The following TMEM108 variants were observed in gnomAD, a reference collection of about 807,000 sequenced individuals.
The protein encoded by TMEM108 is transmembrane protein 108.
Under a neutral mutation model 35.1 loss-of-function variants are expected in TMEM108, and 12 were observed. The observed-to-expected ratio is 0.34, with a 90% CI of 0.22 to 0.55. TMEM108 has a LOEUF of 0.55. Ranked by LOEUF, TMEM108 falls within the 20% of genes least tolerant of loss-of-function variation. TMEM108 has a pLI of 0.89. For missense variants in TMEM108, 680 were observed against 753.3 expected, an observed-to-expected ratio of 0.90 and a Z score of 1.14; for synonymous variants, 287 against 308.6, an observed-to-expected ratio of 0.93 and a Z score of 0.73.
intron 4 of TMEM108, among the ~76,000 whole-genome samples, chr3:133,381,857 C>T (rs2073021733): frequency 6.6e-6 from 1 of 152,160 alleles, no homozygotes; most frequent in South Asian, 2.1e-4. Context: ...AGCAACTCTC[C>T]ACCCCCACCC....
intron 3 of TMEM108, among the ~76,000 whole-genome samples, chr3:133,278,339 T>C (rs1461383565): frequency 6.6e-6 from 1 of 152,232 alleles, no homozygotes. Flanking sequence ...TATTGCTTTA[T>C]TTGTAAAATG....
chr3:133,370,725 C>CTTTT (rs1202487966), intron 3 of TMEM108, among the ~76,000 whole-genome samples: 1 of 152,148 alleles, frequency 6.6e-6, no homozygotes, highest in African/African-American at 2.4e-5. Context: ...TGAGAGAACA[C>CTTTT]TTTTCGTATG....
chr3:133,276,992 G>T (rs961846497), intron 3 of TMEM108, among the ~76,000 whole-genome samples: 1 of 152,150 alleles, frequency 6.6e-6, no homozygotes, highest in African/African-American at 2.4e-5. Context: ...TCAAACTTTA[G>T]TGCCACCCTT....
intron 2 of TMEM108, among the ~76,000 whole-genome samples, chr3:133,061,954 T>C (rs1943542024): frequency 6.6e-6 from 1 of 152,186 alleles, no homozygotes. Flanking sequence ...AACTGAGTGT[T>C]GCTACCAGTT....
At chr3:133,100,018 T>C (rs1264163207) in intron 2 of TMEM108, among the ~76,000 whole-genome samples, 1 of 152,158 alleles carries the variant, frequency 6.6e-6, no homozygotes, top group African/African-American at 2.4e-5. Flanking sequence ...ACGCTGCTGA[T>C]AAAGACATAC....
intron 3 of TMEM108, among the ~76,000 whole-genome samples, chr3:133,356,266 G>T (rs2072165780): frequency 6.6e-6 from 1 of 151,884 alleles, no homozygotes; most frequent in African/African-American, 2.4e-5. Flanking sequence ...ACTTAACCAA[G>T]GAGGTGAAAG....
chr3:133,383,094 T>G (rs1237034236), intron 4 of TMEM108, among the ~76,000 whole-genome samples: 3 of 152,262 alleles, frequency 2.0e-5, no homozygotes, highest in Non-Finnish European at 4.4e-5. Context: ...GTAGCCCTAT[T>G]AGCCAATGAA....
At chr3:133,062,053 C>T (rs1471055735) in intron 2 of TMEM108, among the ~76,000 whole-genome samples, 2 of 152,144 alleles carry the variant, frequency 1.3e-5, no homozygotes, top group Non-Finnish European at 2.9e-5. Flanking sequence ...AATCTGATAG[C>T]ATGGATGGTG....
intron 3 of TMEM108, among the ~76,000 whole-genome samples, chr3:133,258,485 G>T (rs77666224): frequency 2.1e-4 from 32 of 152,278 alleles, no homozygotes; most frequent in Admixed American, 1.6e-3. Context: ...TGGATGGAGG[G>T]GGGTGATGGA....
intron 2 of TMEM108, among the ~76,000 whole-genome samples, chr3:133,108,918 A>G (rs948182463): frequency 2.0e-5 from 3 of 152,012 alleles, no homozygotes; most frequent in Admixed American, 1.3e-4. Flanking sequence ...GCACACCAAC[A>G]TGGCACATGT....
chr3:133,069,904 T>G (rs1943656187), intron 2 of TMEM108, among the ~76,000 whole-genome samples: 1 of 152,230 alleles, frequency 6.6e-6, no homozygotes. Context: ...TCTTTGAATG[T>G]GTTCATTTAA....
Position 133,310,530 on chromosome 3 carries a change from C to CTTTTTT in TMEM108, c.41-69198_41-69193dup, listed in dbSNP as rs59215786. Among the ~76,000 whole-genome samples, 211 of 22,252 alleles carry CTTTTTT rather than the reference C, an allele frequency of 9.5e-3. 48 individuals are homozygous for CTTTTTT. The highest frequency in any genetic ancestry group is 0.018 in the East Asian group (7 of 398). 14.6% of individuals were successfully genotyped at this position (22,252 alleles called of 152,430 possible). ...TCAGAGACTAGGATTGCAACCCCTG[C>CTTTTTT]TTTTTTTTTTTTTTTTTTTTTTTTT... is the stretch of plus-strand genomic sequence containing the variant. On this transcript the variant is annotated intron_variant, in intron 3 of 5. Transcript: ENST00000321871.
At chr3:133,281,954 G>A (rs1013399668) in intron 3 of TMEM108, among the ~76,000 whole-genome samples, 10 of 152,120 alleles carry the variant, frequency 6.6e-5, no homozygotes, top group South Asian at 2.1e-4. Flanking sequence ...TCAGGAGATC[G>A]AGACCATCCT....
intron 2 of TMEM108, among the ~76,000 whole-genome samples, chr3:133,227,045 C>T (rs574065709): frequency 2.6e-5 from 4 of 152,104 alleles, no homozygotes; most frequent in African/African-American, 9.6e-5. Flanking sequence ...AAAGACCCAC[C>T]CCCGTGATTC....
At chr3:133,275,290 T>C (rs78055018) in intron 3 of TMEM108, among the ~76,000 whole-genome samples, 2 of 152,216 alleles carry the variant, frequency 1.3e-5, no homozygotes, top group Non-Finnish European at 2.9e-5. Flanking sequence ...ATTCTTAATT[T>C]TCTGAATTTT....
At chr3:133,238,279 C>T (rs1946267289) in intron 3 of TMEM108, among the ~76,000 whole-genome samples, 1 of 144,078 alleles carries the variant, frequency 6.9e-6, no homozygotes, top group Non-Finnish European at 1.6e-5. Flanking sequence ...TCTATTTCAT[C>T]ATCCATTCCT....
chr3:133,157,763 C>T (rs1182938742), intron 2 of TMEM108, among the ~76,000 whole-genome samples: 2 of 152,190 alleles, frequency 1.3e-5, no homozygotes, highest in Non-Finnish European at 2.9e-5. Flanking sequence ...GTAATAGTCA[C>T]TCTGATGATC....
At chr3:133,264,572 C>G (rs779725822) in intron 3 of TMEM108, among the ~76,000 whole-genome samples, 1 of 152,120 alleles carries the variant, frequency 6.6e-6, no homozygotes, top group African/African-American at 2.4e-5. Flanking sequence ...TGCAAGTTGT[C>G]ATTATATTGT....
At chr3:133,239,747 G>A (rs566760818) in intron 3 of TMEM108, among the ~76,000 whole-genome samples, 1 of 152,178 alleles carries the variant, frequency 6.6e-6, no homozygotes, top group Non-Finnish European at 1.5e-5. Context: ...ACTTATGAAG[G>A]GCTATCCAGG....
Sources: gnomAD v4.1 joint callset for allele counts (sites outside exome capture counted in the v4.1 genomes callset) on GRCh38, gnomAD v4.1.1 for gene constraint, MANE v1.5 for transcripts, NCBI Gene and HGNC (gene_info 2026-07-23, HGNC 2026-07-21) for gene names.